The following LRIG2 variants were observed in gnomAD, a reference collection of about 807,000 sequenced individuals.
LRIG2 encodes the protein leucine rich repeats and immunoglobulin like domains 2.
A neutral mutation model predicts 107.8 loss-of-function variants in LRIG2; 93 were observed. The ratio of observed to expected loss-of-function variants is 0.86; its 90% CI spans 0.73 to 1.03. The LOEUF is 1.03. Ranked by LOEUF, LRIG2 falls within the 50% of genes least tolerant of loss-of-function variation. The probability of loss-of-function intolerance (pLI) is 0.00; values close to 1 mark genes in which losing one functional copy is unlikely to be tolerated. For synonymous variants in LRIG2, 471 were observed against 470.6 expected (o/e 1.00, Z -0.01); for missense variants, 1,226 against 1,296.0 (o/e 0.95, Z 0.83).
intron 9 of LRIG2, among the ~76,000 whole-genome samples, chr1:113,099,161 T>C (rs1654197031): frequency 6.6e-6 from 1 of 151,802 alleles, no homozygotes; most frequent in Non-Finnish European, 1.5e-5. Flanking sequence ...GGTCTTGAAC[T>C]CCTGACCTCG....
intron 8 of LRIG2, among the ~76,000 whole-genome samples, chr1:113,097,784 T>G (rs946935260): frequency 6.6e-6 from 1 of 152,166 alleles, no homozygotes. Context: ...GTAGATACAG[T>G]TCTTAATTTG....
intron 1 of LRIG2, among the ~76,000 whole-genome samples, chr1:113,082,555 G>A (rs1015263762): frequency 6.6e-6 from 1 of 152,208 alleles, no homozygotes; most frequent in Non-Finnish European, 1.5e-5. Context: ...AAGGCAAAGC[G>A]GGAGCAGGCA....
intron 14 of LRIG2, 140 bp downstream of exon 14, chr1:113,112,900 G>T (rs923241852): frequency 2.3e-6 from 2 of 879,046 alleles, no homozygotes; most frequent in Non-Finnish European, 3.3e-6. Flanking sequence ...TTTATGCAAG[G>T]TTATGTCAGT....
chr1:113,088,116 A>G (rs1653639138), intron 1 of LRIG2, among the ~76,000 whole-genome samples: 1 of 152,126 alleles, frequency 6.6e-6, no homozygotes, highest in South Asian at 2.1e-4. Flanking sequence ...TTGGGAATAT[A>G]TTTCAGTTCA....
chr1:113,120,194 A>C (rs1049740960), intron 17 of LRIG2, among the ~76,000 whole-genome samples: 1 of 151,940 alleles, frequency 6.6e-6, no homozygotes, highest in Non-Finnish European at 1.5e-5. Flanking sequence ...TCACGCCTGT[A>C]ATCTTAGCAC....
chr1:113,076,282 AG>A (rs1652980739), intron 1 of LRIG2, among the ~76,000 whole-genome samples: 2 of 152,254 alleles, frequency 1.3e-5, no homozygotes, highest in Admixed American at 1.3e-4. Context: ...CTAGGATTAC[AG>A]GCACGAGCCA....
rs761587006 is a variant in LRIG2 at position 113,094,421 on chromosome 1, A to T, written c.598A>T (p.Asn200Tyr). ...AAGTTCCTTATTAGTGGTAAAGTTA[A>T]ACCGTAACCGAATGAGCATGATTCC... ...LSSSLLVVKL[N>Y]RNRMSMIPPK... Residue 200 changes from asparagine to tyrosine, a missense_variant, in exon 5 of 18, where the codon AAC becomes TAC. Around this residue, in one of 3 missense-constraint regions of LRIG2, gnomAD observed 570 missense variants for 550.2 expected, o/e 1.04. Transcript: ENST00000361127. 2 of 1,613,378 alleles carry T rather than the reference A, an allele frequency of 1.2e-6. No individual in the cohort carries two copies. Among genetic ancestry groups the T allele is most frequent in the East Asian group, 4.5e-5 (2 of 44,874 alleles).
intron 11 of LRIG2, among the ~76,000 whole-genome samples, chr1:113,101,816 T>G (rs1654318103): frequency 6.6e-6 from 1 of 152,258 alleles, no homozygotes; most frequent in African/African-American, 2.4e-5. Context: ...ATAACTTGTT[T>G]ACTCAAATAT....
At chr1:113,084,040 A>ATATTAT (rs200107490) in intron 1 of LRIG2, among the ~76,000 whole-genome samples, 34 of 129,324 alleles carry the variant, frequency 2.6e-4, no homozygotes, top group South Asian at 5.0e-4. Context: ...AATAATAATA[A>ATATTAT]TATTGGCCTT....
intron 1 of LRIG2, among the ~76,000 whole-genome samples, chr1:113,087,783 A>T (rs1238196886): frequency 6.6e-6 from 1 of 152,218 alleles, no homozygotes; most frequent in Non-Finnish European, 1.5e-5. Context: ...CAAATTCCAG[A>T]GTGAAATTAG....
At position 113,123,728 on chromosome 1, in the gene LRIG2, T is replaced by C; in HGVS notation, c.2972-147T>C. The stretch of plus-strand genomic sequence containing the variant: ...AAGACCATGTTCTGGTGGTGGTTTT[T>C]GTGTGTGTGTGTGTGTGTGTGTGTG... On this transcript the variant is annotated intron_variant, in intron 17 of 17. Coordinates refer to ENST00000361127, the MANE Select transcript of LRIG2 (RefSeq NM_014813.3). 23 of 451,708 alleles carry C rather than the reference T, an allele frequency of 5.1e-5. No homozygotes were observed. The South Asian group carries it at 6.0e-4, about 12-fold the overall frequency. 28.0% of individuals were successfully genotyped at this position (451,708 alleles called of 1,614,324 possible). A position where few individuals can be genotyped will look rare whatever the true frequency, so the allele number is the denominator to read the frequency against.
chr1:113,088,570 C>T (rs182588804), intron 1 of LRIG2, among the ~76,000 whole-genome samples: 9 of 152,220 alleles, frequency 5.9e-5, no homozygotes, highest in African/African-American at 1.7e-4. Context: ...ATTATGAACA[C>T]TGTTAGGATT....
Position 113,096,228 on chromosome 1 carries a change from G to A in LRIG2, c.954G>A (p.Leu318=), listed in dbSNP as rs1167897745. The A allele has an allele frequency of 6.2e-7, 1 of 1,613,236 alleles. No individual in the cohort carries two copies. Among genetic ancestry groups the A allele is most frequent in the Non-Finnish European group, 8.5e-7 (1 of 1,179,844 alleles). The part of the protein sequence containing the change: ...EFCQRLSELD[L]SYNQLTRLDE... ...CCACATTTCTTGTTTTCAGTGATTT[G>A]TCCTATAACCAGCTGACCCGCCTGG... The change falls in exon 8 of 18, where the codon TTG becomes TTA. Residue 318 remains leucine, a synonymous_variant. Transcript: ENST00000361127.
rs115202314 is a variant in LRIG2 at position 113,131,724 on chromosome 1, G to A, written c.*7623G>A. On this transcript the variant is annotated 3_prime_UTR_variant, in exon 18 of 18. Coordinates refer to ENST00000361127, the MANE Select transcript of LRIG2 (RefSeq NM_014813.3). ...AAAAGTAACAAGTTTGGAACTAAGA[G>A]ATATGTTACAAGCTGCACTTAACAC... 2.0e-5 allele frequency: 3 copies of A among 152,110 alleles called. No homozygotes were observed. Among genetic ancestry groups the A allele is most frequent in the Non-Finnish European group, 4.4e-5 (3 of 68,008 alleles). The allele number at this position is 152,110 out of a possible 1,614,324, so 9.4% of individuals were successfully genotyped here.
intron 1 of LRIG2, among the ~76,000 whole-genome samples, chr1:113,083,506 C>T (rs566514986): frequency 7.3e-5 from 11 of 151,350 alleles, no homozygotes; most frequent in South Asian, 6.3e-4. Context: ...CCACCACACC[C>T]GGCTAATTTT....
At chr1:113,115,136 TTTG>T (rs1440007219) in intron 15 of LRIG2, among the ~76,000 whole-genome samples, 3 of 152,182 alleles carry the variant, frequency 2.0e-5, no homozygotes, top group Middle Eastern at 3.2e-3. Flanking sequence ...GAAGGGAGTT[TTTG>T]TTGTTAAAAT....
intron 12 of LRIG2, among the ~76,000 whole-genome samples, chr1:113,109,682 G>A (rs569740137): frequency 3.7e-4 from 56 of 152,150 alleles, no homozygotes; most frequent in Non-Finnish European, 7.1e-4. Context: ...CCTCGCCTGG[G>A]TAATTTTTGT....
intron 2 of LRIG2, among the ~76,000 whole-genome samples, chr1:113,091,859 G>A (rs1405256342): frequency 3.3e-5 from 5 of 152,122 alleles, no homozygotes; most frequent in African/African-American, 1.2e-4. Context: ...TTAATACTGA[G>A]ATGTATTATG....
intron 13 of LRIG2, 87 bp downstream of exon 13, chr1:113,110,649 C>A: frequency 1.0e-6 from 1 of 978,106 alleles, no homozygotes; most frequent in Non-Finnish European, 1.5e-6. Context: ...TAGACTAAAT[C>A]TGACATTTAA....
Sources: gnomAD v4.1 joint callset for allele counts (sites outside exome capture counted in the v4.1 genomes callset) on GRCh38, gnomAD v4.1.1 for gene constraint, gnomAD v4.1.1 regional missense constraint, MANE v1.5 for transcripts, NCBI Gene and HGNC (gene_info 2026-07-23, HGNC 2026-07-21) for gene names.